The following DENND2B variants were observed in gnomAD, a reference collection of about 807,000 sequenced individuals.
DENND2B encodes the protein DENN domain-containing protein 2B.
DENND2B carries 32 observed loss-of-function variants against 116.0 expected under a neutral mutation model. That is an observed-to-expected ratio of 0.28 (90% CI 0.21 to 0.37). The LOEUF (loss-of-function observed/expected upper bound fraction) is 0.37, where lower values mean the gene tolerates loss of function less well. Among genes scored for constraint, DENND2B ranks in the 10% least tolerant of loss-of-function variants. The pLI, the probability that DENND2B is intolerant of heterozygous loss-of-function variation, is 1.00. For missense variants in DENND2B, 1,276 were observed against 1,477.7 expected (o/e 0.86, Z 2.24); for synonymous variants, 588 against 583.9 (o/e 1.01, Z -0.10).
At chr11:8,817,759 G>A (rs1251729256) in intron 4 of DENND2B, among the ~76,000 whole-genome samples, 4 of 152,054 alleles carry the variant, frequency 2.6e-5, no homozygotes, top group Admixed American at 1.3e-4. Context: ...CTCACAGCTT[G>A]CTTCAGTTTC....
intron 1 of DENND2B, chr11:8,895,578 G>A (rs915094404): frequency 6.6e-6 from 1 of 152,106 alleles, no homozygotes; most frequent in Non-Finnish European, 1.5e-5. Flanking sequence ...GTGGCTTCCA[G>A]GGGCTGGGAG....
chr11:8,872,481 C>T (rs555026383), upstream of DENND2B, among the ~76,000 whole-genome samples: 124 of 130,078 alleles, frequency 9.5e-4, no homozygotes, highest in Non-Finnish European at 1.6e-3. Flanking sequence ...AGTGAGACTC[C>T]GTCTAAAAAA....
At chr11:8,726,450 C>G in intron 3 of DENND2B, 1 of 423,506 alleles carries the variant, frequency 2.4e-6, no homozygotes, top group Non-Finnish European at 4.2e-6. Context: ...AACAACTACC[C>G]CAGCTTAAAA....
chr11:8,722,761 C>T (rs1039172157), intron 4 of DENND2B, among the ~76,000 whole-genome samples: 3 of 152,142 alleles, frequency 2.0e-5, no homozygotes, highest in Non-Finnish European at 4.4e-5. Flanking sequence ...ACTCCGGAAA[C>T]CACCCCCACC....
rs60488372 is a variant in DENND2B at position 8,754,029 on chromosome 11, G to GCACACACACACA, written c.-25-3316_-25-3305dup. 4.7e-3 allele frequency among the ~76,000 whole-genome samples: 659 copies of GCACACACACACA among 138,816 alleles called. 5 individuals are homozygous for GCACACACACACA. Among genetic ancestry groups the GCACACACACACA allele is most frequent in the East Asian group, 0.025 (116 of 4,644 alleles). The allele number at this position is 138,816 out of a possible 152,430, so 91.1% of individuals were successfully genotyped here. On this transcript the variant is annotated intron_variant, in intron 1 of 19. Transcript: ENST00000313726. The stretch of plus-strand genomic sequence containing the variant: ...TTCTTAGATATAACACCAAAAGCGC[G>GCACACACACACA]CACACACACACACACACACACACAC...
intron 1 of DENND2B, among the ~76,000 whole-genome samples, chr11:8,799,161 C>T (rs1210716872): frequency 6.6e-6 from 1 of 152,128 alleles, no homozygotes; most frequent in Non-Finnish European, 1.5e-5. Flanking sequence ...TGCCACTTCC[C>T]CCTGGGTACT....
At chr11:8,759,878 A>G (rs756343728) in intron 1 of DENND2B, among the ~76,000 whole-genome samples, 2 of 152,208 alleles carry the variant, frequency 1.3e-5, no homozygotes, top group Non-Finnish European at 2.9e-5. Context: ...CTCAGCAACC[A>G]ATACTGGCCC....
At chr11:8,718,233 C>T (rs2045414194) in intron 4 of DENND2B, 1 of 959,502 alleles carries the variant, frequency 1.0e-6, no homozygotes, top group Non-Finnish European at 1.6e-6. Flanking sequence ...CAACAAGAGT[C>T]TTTCCTTGGC....
chr11:8,718,268 C>T (rs1302823130), intron 4 of DENND2B: 10 of 1,197,434 alleles, frequency 8.4e-6, no homozygotes, highest in African/African-American at 3.0e-5. Flanking sequence ...TGCAAACACC[C>T]CAGAGATAAC....
chr11:8,751,209 C>CAG, intron 1 of DENND2B, among the ~76,000 whole-genome samples: 1 of 152,170 alleles, frequency 6.6e-6, no homozygotes, highest in Non-Finnish European at 1.5e-5. Context: ...CAGGCTGTAT[C>CAG]TAGCTAATCT....
At chr11:8,856,824 G>A (rs2063212701) in intron 3 of DENND2B, among the ~76,000 whole-genome samples, 1 of 151,436 alleles carries the variant, frequency 6.6e-6, no homozygotes, top group Non-Finnish European at 1.5e-5. Context: ...TGCAATAATG[G>A]CTCCCTGCAG....
chr11:8,859,884 T>C (rs970331631), intron 2 of DENND2B, among the ~76,000 whole-genome samples: 1 of 152,018 alleles, frequency 6.6e-6, no homozygotes, highest in Non-Finnish European at 1.5e-5. Context: ...AAGTTTTCTG[T>C]CTCTTCTTTC....
intron 4 of DENND2B, among the ~76,000 whole-genome samples, chr11:8,822,735 T>C (rs2134550404): frequency 6.6e-6 from 1 of 152,336 alleles, no homozygotes; most frequent in East Asian, 1.9e-4. Flanking sequence ...CTTTTGTTTT[T>C]CCTCCTTTCC....
intron 1 of DENND2B, chr11:8,766,852 C>T (rs2055901164): frequency 2.9e-6 from 1 of 344,888 alleles, no homozygotes; most frequent in Admixed American, 4.0e-5. Context: ...CTGGAATTCG[C>T]TTTTTCATGC....
In DENND2B at chr11:8,779,202, G is replaced by A. The variant is rs547071355; in HGVS notation, c.-25-28477C>T. Among the ~76,000 whole-genome samples, 28 of 152,326 alleles carry A rather than the reference G, an allele frequency of 1.8e-4. 1 individual carries two copies. The South Asian group carries it at 4.8e-3, about 26-fold the overall frequency. The stretch of plus-strand genomic sequence containing the variant: ...TCTGGACGGGGCTTCTGTGGGAGAG[G>A]AAATGTGAGCCAGACTGTAAAGGAC... On this transcript the variant is annotated intron_variant, in intron 1 of 19. Coordinates refer to ENST00000313726, the MANE Select transcript of DENND2B (RefSeq NM_213618.2).
intron 3 of DENND2B, among the ~76,000 whole-genome samples, chr11:8,857,161 G>C: frequency 6.6e-6 from 1 of 152,122 alleles, no homozygotes; most frequent in East Asian, 1.9e-4. Flanking sequence ...GTCATTTATA[G>C]CCGCATACAG....
intron 14 of DENND2B, chr11:8,700,119 C>A (rs1161220813): frequency 2.5e-6 from 1 of 404,558 alleles, no homozygotes; most frequent in Admixed American, 2.9e-5. Flanking sequence ...AGGGTAGAAC[C>A]TTCAGGAAAA....
At chr11:8,826,702 T>C (rs1033695981) in intron 4 of DENND2B, among the ~76,000 whole-genome samples, 3 of 152,194 alleles carry the variant, frequency 2.0e-5, no homozygotes, top group African/African-American at 7.2e-5. Flanking sequence ...TTTTAAACTA[T>C]CTTCTTTTTC....
In DENND2B at chr11:8,730,564, C is replaced by T. The variant is rs756905721; in HGVS notation, c.726G>A (p.Glu242=). 17 of 1,613,132 alleles carry T rather than the reference C, an allele frequency of 1.1e-5. No individual in the cohort carries two copies. The highest frequency in any genetic ancestry group is 1.4e-5 in the Non-Finnish European group (16 of 1,180,040). Residue 242 remains glutamate, a synonymous_variant, in exon 3 of 20, where the codon GAG becomes GAA. Coordinates refer to ENST00000313726, the MANE Select transcript of DENND2B (RefSeq NM_213618.2). This position sits in a 1 kb window ranked among gnomAD's most constrained non-coding sequence, Gnocchi z 4.1. ...CCCGGACAGGGAGCGCCTCTCCCTC[C>T]TCCTCAGTCTCTGGGTAGGAACACT... ...FSECSYPETE[E]EGEALPVRDS...
Sources: gnomAD v4.1 joint callset for allele counts (sites outside exome capture counted in the v4.1 genomes callset) on GRCh38, gnomAD v4.1.1 for gene constraint, Gnocchi (gnomAD v3.1) non-coding constraint, MANE v1.5 for transcripts, NCBI Gene and HGNC (gene_info 2026-07-23, HGNC 2026-07-21) for gene names.